TTC23L: variants seen among roughly 807,000 people sequenced by gnomAD.
TTC23L encodes the protein tetratricopeptide repeat domain 23 like.
Under a neutral mutation model 48.1 loss-of-function variants are expected in TTC23L, and 42 were observed. The observed-to-expected ratio is 0.87, with a 90% confidence interval of 0.68 to 1.13. The LOEUF (loss-of-function observed/expected upper bound fraction) is 1.13. Ranked by LOEUF, TTC23L falls within the 50% of genes most tolerant of loss-of-function variation. The pLI, the probability that TTC23L is intolerant of heterozygous loss-of-function variation, is 0.00. For missense variants in TTC23L, 391 were observed against 421.0 expected, an observed-to-expected ratio of 0.93 and a Z score of 0.62; for synonymous variants, 159 against 157.2, an observed-to-expected ratio of 1.01 and a Z score of -0.09.
the TTC23L span, chr5:34,909,258 C>G: frequency 1.0e-5 from 16 of 1,593,948 alleles, no homozygotes; most frequent in South Asian, 1.7e-4. Flanking sequence ...AAGAACTGAC[C>G]TGTTGACTTG....
At chr5:34,869,768 T>C (rs1233169323) in intron 8 of TTC23L, 2 of 152,230 alleles carry the variant, frequency 1.3e-5, no homozygotes, top group South Asian at 2.1e-4. Flanking sequence ...GACAGAATTA[T>C]AGAGAAAGCT....
intron 4 of TTC23L, among the ~76,000 whole-genome samples, chr5:34,857,659 A>G (rs1760236907): frequency 1.3e-5 from 2 of 150,886 alleles, no homozygotes; most frequent in Admixed American, 1.3e-4. Context: ...AATAATAATA[A>G]TGGCTAATAT....
intron 9 of TTC23L, among the ~76,000 whole-genome samples, chr5:34,882,017 G>C (rs898519692): frequency 6.6e-5 from 10 of 152,106 alleles, no homozygotes; most frequent in African/African-American, 2.4e-4. Context: ...GCCTCCCAAA[G>C]TGCTAAGATT....
chr5:34,896,620 C>G, intron 9 of TTC23L, 150 bp from the exon 10 acceptor site: 2 of 683,724 alleles, frequency 2.9e-6, no homozygotes, highest in South Asian at 1.6e-5. Context: ...CTTAAGGGGA[C>G]AACATTCTAG....
At chr5:34,893,975 T>C (rs921640215) in intron 9 of TTC23L, among the ~76,000 whole-genome samples, 2 of 152,148 alleles carry the variant, frequency 1.3e-5, no homozygotes, top group African/African-American at 4.8e-5. Flanking sequence ...TAACCTATCG[T>C]TTTTGTGGTA....
downstream of TTC23L, among the ~76,000 whole-genome samples, chr5:34,901,897 C>T (rs915508649): frequency 2.8e-4 from 42 of 152,174 alleles, no homozygotes; most frequent in African/African-American, 9.9e-4. Flanking sequence ...GCTGCCTCCA[C>T]CAAACTGGAT....
intron 4 of TTC23L, 115 bp downstream of exon 4, chr5:34,850,423 C>A: frequency 7.7e-7 from 1 of 1,299,180 alleles, no homozygotes; most frequent in Non-Finnish European, 1.1e-6. Flanking sequence ...CCCTAGCTCA[C>A]ACATTATCAG....
chr5:34,913,605 G>A, the TTC23L span: 4 of 1,405,244 alleles, frequency 2.8e-6, no homozygotes, highest in Non-Finnish European at 3.9e-6. Context: ...AATGAAAATT[G>A]TTACATAAAA....
the TTC23L span, chr5:34,916,712 A>G: frequency 6.6e-6 from 1 of 152,166 alleles, no homozygotes; most frequent in Non-Finnish European, 1.5e-5. Context: ...TTAGCATAGT[A>G]CTCTAGCGCG....
chr5:34,915,293 T>G, the TTC23L span: 1 of 273,444 alleles, frequency 3.7e-6, no homozygotes. Context: ...AAACAGGCGA[T>G]GGCGGGGCGG....
At chr5:34,880,067 G>A in intron 8 of TTC23L, 114 bp from the exon 9 acceptor site, 1 of 1,295,616 alleles carries the variant, frequency 7.7e-7, no homozygotes, top group Non-Finnish European at 1.1e-6. Context: ...TATGAGACCT[G>A]GCTTGAGAAC....
chr5:34,840,246 G>GGGA lies in TTC23L; in HGVS notation c.-7-417_-7-416insAGG, dbSNP rs1554016527. ...ATTAGTGAAATGACCCCGGGGGGGG[G>GGGA]GGGGAAAGCAGAATTAACCAATACA... On this transcript the variant is annotated intron_variant, in intron 1 of 10. Coordinates refer to ENST00000505624, the Ensembl canonical transcript of TTC23L. Among the ~76,000 whole-genome samples the GGGA allele has an allele frequency of 9.1e-5, 13 of 142,594 alleles. 3 individuals carry two copies. The highest frequency in any genetic ancestry group is 3.5e-4 in the African/African-American group (13 of 37,644). The allele number at this position is 142,594 out of a possible 152,430, so 93.5% of individuals were successfully genotyped here. A position where few individuals can be genotyped will look rare whatever the true frequency, so the allele number is the denominator to read the frequency against.
At chr5:34,875,155 T>A (rs1761739250) in intron 8 of TTC23L, among the ~76,000 whole-genome samples, 2 of 152,168 alleles carry the variant, frequency 1.3e-5, no homozygotes, top group Admixed American at 1.3e-4. Context: ...CAATAAGACA[T>A]ACAATCCTTA....
intron 7 of TTC23L, chr5:34,867,951 C>A (rs1170108727): frequency 6.6e-6 from 1 of 152,166 alleles, no homozygotes; most frequent in Non-Finnish European, 1.5e-5. Context: ...GTGGTCAGAT[C>A]AGAATGAATA....
chr5:34,855,982 A>C (rs990103410), intron 4 of TTC23L, among the ~76,000 whole-genome samples: 2 of 152,206 alleles, frequency 1.3e-5, no homozygotes, highest in African/African-American at 2.4e-5. Context: ...TGTGTTACCT[A>C]TTCAAAAATG....
intron 4 of TTC23L, among the ~76,000 whole-genome samples, chr5:34,855,509 A>C (rs1760052278): frequency 1.3e-5 from 2 of 152,212 alleles, no homozygotes; most frequent in African/African-American, 4.8e-5. Flanking sequence ...TCTACGAACG[A>C]CAGATACACT....
the TTC23L span, chr5:34,914,151 G>A: frequency 3.3e-5 from 10 of 305,356 alleles, no homozygotes; most frequent in East Asian, 8.4e-5. Context: ...ATATTACTTT[G>A]GAAGAACAAA....
intron 8 of TTC23L, among the ~76,000 whole-genome samples, chr5:34,875,780 A>G (rs114005825): frequency 3.7e-3 from 567 of 152,268 alleles, no homozygotes; most frequent in African/African-American, 0.013. Context: ...AGCACCATCA[A>G]TCAACTTAAT....
the TTC23L span, among the ~76,000 whole-genome samples, chr5:34,904,592 CAAA>C: frequency 3.7e-5 from 4 of 107,574 alleles, no homozygotes; most frequent in East Asian, 2.7e-4. Context: ...GACTCCATCT[CAAA>C]AAAAAAAAAA....
Sources: gnomAD v4.1 joint callset for allele counts (sites outside exome capture counted in the v4.1 genomes callset) on GRCh38, gnomAD v4.1.1 for gene constraint, MANE v1.5 for transcripts, NCBI Gene and HGNC (gene_info 2026-07-23, HGNC 2026-07-21) for gene names.